Variants in SLC13A2 observed in about 807,000 individuals in gnomAD.
SLC13A2 encodes the protein solute carrier family 13 member 2.
In SLC13A2, 40 loss-of-function variants were observed where a neutral mutation model predicts 58.5. The observed-to-expected ratio is 0.68, with a 90% CI of 0.53 to 0.89. SLC13A2 has a LOEUF of 0.89. SLC13A2 is among the 40% of genes least tolerant of loss of function. SLC13A2 has a pLI of 0.00. For synonymous variants in SLC13A2, 341 were observed against 331.6 expected, an observed-to-expected ratio of 1.03 and a Z score of -0.31; for missense variants, 694 against 772.6, an observed-to-expected ratio of 0.90 and a Z score of 1.21.
In SLC13A2 at chr17:28,494,115, TGGACTGGGGCAG is replaced by T; in HGVS notation, c.1186+14_1186+25del. 2 of 1,612,410 alleles carry T rather than the reference TGGACTGGGGCAG, an allele frequency of 1.2e-6. No homozygotes were observed. The highest frequency in any genetic ancestry group is 1.7e-6 in the Non-Finnish European group (2 of 1,178,448). Reference sequence around the variant, plus strand: ...CTGACCCAGGACCCAGGTAAGCACCTGGACTGGGGCAGGGAAGGGTCTCCGGGCAGCCCCTGC... The same window carrying T: ...CTGACCCAGGACCCAGGTAAGCACCTGGAAGGGTCTCCGGGCAGCCCCTGC... On this transcript the variant is annotated intron_variant, in intron 8 of 11. Coordinates refer to ENST00000314669, the MANE Select transcript of SLC13A2 (RefSeq NM_003984.4). The surrounding 1 kb of genome is among the most constrained non-coding windows in gnomAD (Gnocchi z 4.0).
chr17:28,482,330 G>A (rs1403380811), intron 1 of SLC13A2, among the ~76,000 whole-genome samples: 1 of 152,166 alleles, frequency 6.6e-6, no homozygotes, highest in East Asian at 1.9e-4. Context: ...GGGATTACAG[G>A]TGTGAGCCAC....
chr17:28,474,436 G>T (rs782211887), intron 1 of SLC13A2, among the ~76,000 whole-genome samples: 1 of 151,990 alleles, frequency 6.6e-6, no homozygotes, highest in African/African-American at 2.4e-5. Flanking sequence ...CTCCTCCTCC[G>T]CCCCCAGCAG....
At chr17:28,492,489 G>T (rs1399260386) in intron 6 of SLC13A2, among the ~76,000 whole-genome samples, 1 of 152,252 alleles carries the variant, frequency 6.6e-6, no homozygotes, top group African/African-American at 2.4e-5. Flanking sequence ...AGCAGGAGCA[G>T]ATTGCACAAA....
chr17:28,480,752 G>A (rs2068769747), intron 1 of SLC13A2, among the ~76,000 whole-genome samples: 1 of 152,144 alleles, frequency 6.6e-6, no homozygotes, highest in South Asian at 2.1e-4. Context: ...AACACAGACT[G>A]GTCTGGAGCC....
Position 28,490,587 on chromosome 17 carries a change from C to T in SLC13A2, c.365C>T (p.Ala122Val), listed in dbSNP as rs1234337019. The T allele has an allele frequency of 3.8e-6, 6 of 1,596,576 alleles. No individual in the cohort carries two copies. The highest frequency in any genetic ancestry group is 5.1e-6 in the Non-Finnish European group (6 of 1,167,744). Reference protein sequence around the residue: ...RVLLIVGVRPAPLILGFMLVT... With the variant: ...RVLLIVGVRPVPLILGFMLVT... ...CTCCTCATCGTTGGGGTGCGGCCTGCCCCGTGAGTTCCTCCTGCAAACCAG... is the reference window on the plus strand; with the variant it reads ...CTCCTCATCGTTGGGGTGCGGCCTGTCCCGTGAGTTCCTCCTGCAAACCAG... Residue 122 changes from alanine to valine, a missense_variant, in exon 3 of 12, where the codon GCC (alanine) becomes GTC (valine). Physicochemically the swap from Ala to Val is moderately conservative, Grantham distance 64. Coordinates refer to ENST00000314669, the MANE Select transcript of SLC13A2 (RefSeq NM_003984.4).
intron 7 of SLC13A2, 71 bp from the exon 8 acceptor site, chr17:28,493,946 C>A (rs1398790818): frequency 6.6e-7 from 1 of 1,506,990 alleles, no homozygotes; most frequent in Non-Finnish European, 9.2e-7. Context: ...ATCTCCACCA[C>A]CCTCCACCCT....
intron 1 of SLC13A2, among the ~76,000 whole-genome samples, chr17:28,483,235 T>C (rs1555601426): frequency 6.6e-6 from 1 of 152,156 alleles, no homozygotes; most frequent in African/African-American, 2.4e-5. Flanking sequence ...TTCACTTCCA[T>C]TTGTGCCTCA....
intron 1 of SLC13A2, among the ~76,000 whole-genome samples, chr17:28,478,864 G>A (rs1204137920): frequency 9.2e-5 from 14 of 152,164 alleles, no homozygotes; most frequent in Admixed American, 9.2e-4. Flanking sequence ...TGGGAGGAGT[G>A]GGGAGACATA....
intron 1 of SLC13A2, among the ~76,000 whole-genome samples, chr17:28,487,873 G>A (rs1555602239): frequency 6.6e-6 from 1 of 152,088 alleles, no homozygotes; most frequent in Non-Finnish European, 1.5e-5. Flanking sequence ...TGTGCAGTTG[G>A]GCAGGCTACA....
chr17:28,479,697 A>C (rs187020843), intron 1 of SLC13A2, among the ~76,000 whole-genome samples: 1 of 152,368 alleles, frequency 6.6e-6, no homozygotes, highest in East Asian at 1.9e-4. Flanking sequence ...TAGAATGCAT[A>C]AACATTACAT....
chr17:28,481,757 C>A (rs1243789142), intron 1 of SLC13A2, among the ~76,000 whole-genome samples: 1 of 152,198 alleles, frequency 6.6e-6, no homozygotes, highest in Admixed American at 6.5e-5. Context: ...TATATTCAGT[C>A]CTCAAAGAAT....
intron 6 of SLC13A2, among the ~76,000 whole-genome samples, chr17:28,492,596 A>G (rs1555603746): frequency 6.6e-6 from 1 of 152,246 alleles, no homozygotes. Flanking sequence ...AAGCTGGAGA[A>G]GTAGGCAGGG....
chr17:28,486,525 G>A (rs1011853455), intron 1 of SLC13A2, among the ~76,000 whole-genome samples: 3 of 152,162 alleles, frequency 2.0e-5, no homozygotes, highest in African/African-American at 4.8e-5. Flanking sequence ...AAAGCCACCC[G>A]GGGTTAATGA....
At position 28,491,037 on chromosome 17, in the gene SLC13A2, G is replaced by A; in HGVS notation, c.574+131G>A. 7.5e-6 allele frequency: 7 copies of A among 936,206 alleles called. No homozygotes were observed. The South Asian group carries it at 1.2e-4, about 17-fold the overall frequency. 58.0% of individuals were successfully genotyped at this position (936,206 alleles called of 1,614,324 possible). On this transcript the variant is annotated intron_variant, in intron 4 of 11. Transcript: ENST00000314669. Reference sequence around the variant, plus strand: ...AAGAAAGAGATGCAAGAAGGACAGTGACCAATTTGTTTTTCCTTTTTTAAA... The same window carrying A: ...AAGAAAGAGATGCAAGAAGGACAGTAACCAATTTGTTTTTCCTTTTTTAAA...
At position 28,496,390 on chromosome 17, in the gene SLC13A2, A is replaced by C; in HGVS notation, c.1471-60A>C. 8 of 1,538,606 alleles carry C rather than the reference A, an allele frequency of 5.2e-6. No individual in the cohort carries two copies. The Middle Eastern group carries it at 5.5e-4, about 106-fold the overall frequency. ...CAGAGAAGCAGGAGAATTGGGGGCC[A>C]TGCCCCTCCCTCTGGCTTGGGGACC... On this transcript the variant is annotated intron_variant, in intron 10 of 11. Transcript: ENST00000314669. This position sits in a 1 kb window ranked among gnomAD's most constrained non-coding sequence, Gnocchi z 4.2.
rs149423247 is a variant in SLC13A2, at chr17:28,496,480, G to A, written c.1501G>A (p.Val501Ile). The A allele has an allele frequency of 3.5e-4, 556 of 1,610,974 alleles. No homozygotes were observed. In the African/African-American group the frequency reaches 5.9e-3, roughly 17 times the overall value. ...GGCCATCTGCCTCCACCCTCTCTAC[G>A]TCATGCTCCCCTGCACTCTGGCCAC... is the stretch of plus-strand genomic sequence containing the variant. Reference protein sequence around the residue: ...AQAICLHPLYVMLPCTLATSL... With the variant: ...AQAICLHPLYIMLPCTLATSL... The change falls in exon 11 of 12, where the codon GTC (valine) becomes ATC (isoleucine). Residue 501 changes from valine to isoleucine, a missense_variant. Transcript: ENST00000314669. This position sits in a 1 kb window ranked among gnomAD's most constrained non-coding sequence, Gnocchi z 4.2.
In SLC13A2 at chr17:28,495,632, A is replaced by G. The variant is rs368911025; in HGVS notation, c.1309-23A>G. The G allele has an allele frequency of 1.6e-5, 25 of 1,599,964 alleles. No homozygotes were observed. In the African/African-American group the frequency reaches 2.4e-4, roughly 15 times the overall value. On this transcript the variant is annotated intron_variant, in intron 9 of 11. Coordinates refer to ENST00000314669, the MANE Select transcript of SLC13A2 (RefSeq NM_003984.4). ...GGGCCCAGGCAGCCTTGCCTCTCAC[A>G]TGCCATCCTCCTCTGCCCACAGCGA... is the stretch of plus-strand genomic sequence containing the variant.
intron 1 of SLC13A2, among the ~76,000 whole-genome samples, chr17:28,487,221 A>G (rs1567851550): frequency 6.6e-6 from 1 of 152,010 alleles, no homozygotes; most frequent in Non-Finnish European, 1.5e-5. Flanking sequence ...TCAGAGCCCC[A>G]GCTCATTCTC....
rs782245591 is a variant in SLC13A2, at chr17:28,496,424, C to A, written c.1471-26C>A. The stretch of plus-strand genomic sequence containing the variant: ...CCTCTGGCTTGGGGACCAAGTTCAG[C>A]TCTGCGCCACTGCCTCCCACTCCAG... On this transcript the variant is annotated intron_variant, in intron 10 of 11. Coordinates refer to ENST00000314669, the MANE Select transcript of SLC13A2 (RefSeq NM_003984.4). This position sits in a 1 kb window ranked among gnomAD's most constrained non-coding sequence, Gnocchi z 4.2. The A allele has an allele frequency of 6.3e-7, 1 of 1,582,554 alleles. No homozygotes were observed. The highest frequency in any genetic ancestry group is 1.8e-5 in the Admixed American group (1 of 56,562).
Sources: gnomAD v4.1 joint callset for allele counts (sites outside exome capture counted in the v4.1 genomes callset) on GRCh38, gnomAD v4.1.1 for gene constraint, Gnocchi (gnomAD v3.1) non-coding constraint, MANE v1.5 for transcripts, NCBI Gene and HGNC (gene_info 2026-07-23, HGNC 2026-07-21) for gene names.